Variants in PCDH9 observed in about 807,000 individuals in gnomAD.
PCDH9 encodes protocadherin 9.
PCDH9 carries 24 observed loss-of-function variants against 70.6 expected under a neutral mutation model. The observed-to-expected ratio is 0.34, with a 90% CI of 0.25 to 0.48. The LOEUF (loss-of-function observed/expected upper bound fraction) is 0.48. Ranked by LOEUF, PCDH9 falls within the 20% of genes least tolerant of loss-of-function variation. The pLI is 0.99. For synonymous variants in PCDH9, 562 were observed against 558.5 expected, an observed-to-expected ratio of 1.01 and a Z score of -0.09; for missense variants, 1,281 against 1,503.6, an observed-to-expected ratio of 0.85 and a Z score of 2.45.
At chr13:66,980,359 AG>A (rs2083717788) in intron 2 of PCDH9, among the ~76,000 whole-genome samples, 1 of 152,130 alleles carries the variant, frequency 6.6e-6, no homozygotes, top group South Asian at 2.1e-4. Context: ...AAGACAAACA[AG>A]GTAATCTTGT....
chr13:67,127,895 G>C (rs1025636982), intron 2 of PCDH9, among the ~76,000 whole-genome samples: 1 of 151,890 alleles, frequency 6.6e-6, no homozygotes, highest in African/African-American at 2.4e-5. Flanking sequence ...CTGTCATTTT[G>C]TTAATGAATG....
chr13:66,660,344 C>G (rs2077992125), intron 3 of PCDH9, among the ~76,000 whole-genome samples: 1 of 126,238 alleles, frequency 7.9e-6, no homozygotes, highest in African/African-American at 3.2e-5. Context: ...CATCATTGAC[C>G]TTATAATGAA....
At chr13:67,088,644 T>C (rs1016531860) in intron 2 of PCDH9, among the ~76,000 whole-genome samples, 2 of 152,040 alleles carry the variant, frequency 1.3e-5, no homozygotes, top group Non-Finnish European at 2.9e-5. Context: ...ATTAGGCAAA[T>C]AGTATAATAA....
chr13:67,130,213 T>A (rs2087078800), intron 2 of PCDH9, among the ~76,000 whole-genome samples: 1 of 152,206 alleles, frequency 6.6e-6, no homozygotes, highest in Admixed American at 6.6e-5. Flanking sequence ...ATGCAGTCAC[T>A]TAGCTCTTCA....
At chr13:66,474,736 T>C (rs1440812018) in intron 4 of PCDH9, among the ~76,000 whole-genome samples, 1 of 152,082 alleles carries the variant, frequency 6.6e-6, no homozygotes. Flanking sequence ...ATGTCCTGGC[T>C]CTTACCACTA....
At chr13:66,504,731 T>C (rs1959194956) in intron 4 of PCDH9, among the ~76,000 whole-genome samples, 1 of 152,174 alleles carries the variant, frequency 6.6e-6, no homozygotes, top group Admixed American at 6.5e-5. Context: ...GGTGACTGGA[T>C]AAAGGGGTGG....
intron 2 of PCDH9, among the ~76,000 whole-genome samples, chr13:66,933,962 T>C (rs911718529): frequency 6.7e-6 from 1 of 149,662 alleles, no homozygotes; most frequent in Non-Finnish European, 1.5e-5. Context: ...AAGACAAAGA[T>C]CTACTTAACG....
intron 3 of PCDH9, among the ~76,000 whole-genome samples, chr13:66,677,970 T>G (rs2078267553): frequency 6.6e-6 from 1 of 152,184 alleles, no homozygotes; most frequent in Non-Finnish European, 1.5e-5. Context: ...CATAACTGCT[T>G]GTTATAAAAA....
intron 3 of PCDH9, among the ~76,000 whole-genome samples, chr13:66,671,158 C>T (rs1296927405): frequency 6.6e-6 from 1 of 152,148 alleles, no homozygotes; most frequent in East Asian, 1.9e-4. Context: ...TAAAATGTGA[C>T]CTTGCTCCTC....
chr13:67,213,007 C>A (rs1360934955), intron 2 of PCDH9: 2 of 151,454 alleles, frequency 1.3e-5, no homozygotes, highest in Non-Finnish European at 2.9e-5. Context: ...GTCAGGAGAT[C>A]GAGACCATCC....
chr13:66,445,817 CACATATAT>C (rs1958077635), intron 4 of PCDH9, among the ~76,000 whole-genome samples: 5 of 103,842 alleles, frequency 4.8e-5, no homozygotes, highest in Non-Finnish European at 1.1e-4. Context: ...ATTATATATA[CACATATAT>C]ACACACACAC....
intron 4 of PCDH9, among the ~76,000 whole-genome samples, chr13:66,305,671 G>C (rs967258575): frequency 2.0e-5 from 3 of 151,910 alleles, no homozygotes; most frequent in Admixed American, 2.0e-4. Context: ...CACCTGGTCA[G>C]CTGCAAACAT....
chr13:66,835,828 A>G (rs922328206), intron 3 of PCDH9, among the ~76,000 whole-genome samples: 3 of 152,202 alleles, frequency 2.0e-5, no homozygotes, highest in Admixed American at 2.0e-4. Flanking sequence ...CGTTTAATAC[A>G]TACTTATTAA....
intron 2 of PCDH9, among the ~76,000 whole-genome samples, chr13:66,920,989 T>G (rs917483999): frequency 6.6e-6 from 1 of 151,230 alleles, no homozygotes; most frequent in African/African-American, 2.4e-5. Context: ...TATCTTAGAG[T>G]GAATCTCAGA....
intron 3 of PCDH9, among the ~76,000 whole-genome samples, chr13:66,688,864 T>C (rs2078442341): frequency 6.6e-6 from 1 of 152,150 alleles, no homozygotes; most frequent in Non-Finnish European, 1.5e-5. Flanking sequence ...AAGACATTCA[T>C]TGTAACCACA....
chr13:66,596,510 A>G (rs1056107341), intron 4 of PCDH9, among the ~76,000 whole-genome samples: 1 of 146,078 alleles, frequency 6.8e-6, no homozygotes, highest in Non-Finnish European at 1.5e-5. Flanking sequence ...GATGCATTAT[A>G]TTTTCATTTC....
intron 3 of PCDH9, among the ~76,000 whole-genome samples, chr13:66,818,676 T>C (rs537453234): frequency 6.6e-6 from 1 of 152,294 alleles, no homozygotes; most frequent in East Asian, 1.9e-4. Flanking sequence ...CTCACGCCTG[T>C]AGTCCCAGCA....
At chr13:66,567,906 G>A in intron 4 of PCDH9, among the ~76,000 whole-genome samples, 1 of 152,104 alleles carries the variant, frequency 6.6e-6, no homozygotes, top group East Asian at 1.9e-4. Context: ...CTACATTTTA[G>A]TTAAGACATA....
intron 4 of PCDH9, among the ~76,000 whole-genome samples, chr13:66,459,469 GT>G (rs1958379370): frequency 6.6e-6 from 1 of 151,552 alleles, no homozygotes; most frequent in Non-Finnish European, 1.5e-5. Flanking sequence ...TTAAAAAGTT[GT>G]GTTTTTTTTT....
Sources: gnomAD v4.1 joint callset for allele counts (sites outside exome capture counted in the v4.1 genomes callset) on GRCh38, gnomAD v4.1.1 for gene constraint, MANE v1.5 for transcripts, NCBI Gene and HGNC (gene_info 2026-07-23, HGNC 2026-07-21) for gene names.